Variants in EXOC1 observed in about 807,000 individuals in gnomAD.
EXOC1 encodes SEC3-like 1.
A neutral mutation model predicts 107.7 loss-of-function variants in EXOC1; 67 were observed. The observed-to-expected ratio is 0.62, with a 90% CI of 0.51 to 0.76. The LOEUF (loss-of-function observed/expected upper bound fraction) is 0.76, where lower values mean the gene tolerates loss of function less well. Ranked by LOEUF, EXOC1 falls within the 30% of genes least tolerant of loss-of-function variation. The probability of loss-of-function intolerance (pLI) is 0.00; values close to 1 mark genes in which losing one functional copy is unlikely to be tolerated. For synonymous variants in EXOC1, 348 were observed against 353.5 expected (o/e 0.98, Z 0.17); for missense variants, 833 against 1,055.7 (o/e 0.79, Z 2.92).
chr4:55,888,866 C>T, intron 10 of EXOC1, 22 bp from the exon 11 acceptor site: 1 of 1,613,058 alleles, frequency 6.2e-7, no homozygotes, highest in Non-Finnish European at 8.5e-7. Flanking sequence ...GTCTTTGATG[C>T]TTGCAACCTA....
chr4:55,899,926 T>C (rs760400973), intron 17 of EXOC1, 42 bp downstream of exon 17: 3 of 1,535,894 alleles, frequency 2.0e-6, no homozygotes, highest in Non-Finnish European at 2.7e-6. Flanking sequence ...CTTTTGAACC[T>C]ATACACATAA....
At chr4:55,868,741 G>C (rs1283639232) in intron 5 of EXOC1, 6 of 397,408 alleles carry the variant, frequency 1.5e-5, no homozygotes, top group Admixed American at 1.3e-4. Flanking sequence ...TGAGATTCTG[G>C]ATTTGGGGAG....
chr4:55,877,617 A>G, intron 8 of EXOC1: 1 of 985,404 alleles, frequency 1.0e-6, no homozygotes. Flanking sequence ...TATGAGAGAG[A>G]CAAGCTTCAT....
chr4:55,896,594 A>G, intron 15 of EXOC1, 123 bp from the exon 16 acceptor site: 1 of 723,538 alleles, frequency 1.4e-6, no homozygotes. Context: ...GGTACCACAT[A>G]ATATCCTGCC....
intron 17 of EXOC1, among the ~76,000 whole-genome samples, chr4:55,901,502 G>T (rs1236249497): frequency 6.6e-6 from 1 of 151,896 alleles, no homozygotes; most frequent in Non-Finnish European, 1.5e-5. Context: ...GGGAATAATA[G>T]TTACAATAAT....
chr4:55,873,273 C>T (rs1364472264), intron 8 of EXOC1, among the ~76,000 whole-genome samples: 1 of 151,944 alleles, frequency 6.6e-6, no homozygotes, highest in Non-Finnish European at 1.5e-5. Flanking sequence ...AAAGGAAGAC[C>T]ACCTAACTAA....
At chr4:55,899,343 G>A (rs1322768863) in intron 16 of EXOC1, among the ~76,000 whole-genome samples, 1 of 151,858 alleles carries the variant, frequency 6.6e-6, no homozygotes, top group Non-Finnish European at 1.5e-5. Context: ...TAGCAATTTA[G>A]AATTTGACTG....
chr4:55,877,667 G>C (rs1723025092), intron 8 of EXOC1: 2 of 985,286 alleles, frequency 2.0e-6, no homozygotes, highest in South Asian at 9.4e-5. Context: ...GACGGAATGG[G>C]TAGTTGATTT....
intron 10 of EXOC1, among the ~76,000 whole-genome samples, chr4:55,888,252 A>G (rs765463653): frequency 1.8e-4 from 28 of 152,314 alleles, no homozygotes; most frequent in Middle Eastern, 3.4e-3. Flanking sequence ...TCTGTTCCCT[A>G]AACTTTACCC....
intron 9 of EXOC1, 123 bp downstream of exon 9, chr4:55,878,189 G>C: frequency 9.2e-7 from 1 of 1,084,722 alleles, no homozygotes; most frequent in Non-Finnish European, 1.3e-6. Flanking sequence ...CAGAAAATGA[G>C]TCAGTGCTCT....
At chr4:55,888,618 T>G (rs1394795018) in intron 10 of EXOC1, among the ~76,000 whole-genome samples, 1 of 152,098 alleles carries the variant, frequency 6.6e-6, no homozygotes, top group Non-Finnish European at 1.5e-5. Flanking sequence ...AAAAACATTT[T>G]AAAGTGTAGG....
In EXOC1 at chr4:55,860,636, A is replaced by T. The variant is rs916195563; in HGVS notation, c.255+95A>T. ...TTCTAAAATGATCTAAAAACAAATT[A>T]ATATATATGTTTGTTTTCTTATTTT... is the stretch of plus-strand genomic sequence containing the variant. On this transcript the variant is annotated intron_variant, in intron 3 of 18. Coordinates refer to ENST00000381295, the MANE Select transcript of EXOC1 (RefSeq NM_001024924.2). The T allele has an allele frequency of 1.3e-5, 18 of 1,402,852 alleles. No individual in the cohort carries two copies. The African/African-American group carries it at 2.5e-4, about 19-fold the overall frequency. 86.9% of individuals were successfully genotyped at this position (1,402,852 alleles called of 1,614,324 possible). A position where few individuals can be genotyped will look rare whatever the true frequency, so the allele number is the denominator to read the frequency against.
chr4:55,871,472 C>G (rs956937591), intron 7 of EXOC1, among the ~76,000 whole-genome samples: 1 of 152,124 alleles, frequency 6.6e-6, no homozygotes, highest in Admixed American at 6.6e-5. Flanking sequence ...TTATTTAGTA[C>G]TATCCACAGA....
intron 16 of EXOC1, among the ~76,000 whole-genome samples, chr4:55,898,838 A>G (rs73817297): frequency 0.036 from 5,547 of 152,232 alleles, 343 homozygotes; most frequent in African/African-American, 0.13. Context: ...TCCATTTACC[A>G]AATCTTCTAT....
intron 16 of EXOC1, 74 bp from the exon 17 acceptor site, chr4:55,899,611 A>T: frequency 7.7e-7 from 1 of 1,305,430 alleles, no homozygotes; most frequent in Non-Finnish European, 1.1e-6. Context: ...AAAAAAAATT[A>T]ATAGTATAAA....
At chr4:55,861,100 C>T (rs1182439000) in intron 3 of EXOC1, among the ~76,000 whole-genome samples, 2 of 152,102 alleles carry the variant, frequency 1.3e-5, no homozygotes, top group Non-Finnish European at 2.9e-5. Flanking sequence ...GTGATAATCA[C>T]ATTAAAGGAC....
intron 5 of EXOC1, chr4:55,868,776 TA>T: frequency 3.1e-6 from 1 of 325,344 alleles, no homozygotes; most frequent in Non-Finnish European, 5.6e-6. Flanking sequence ...GTGACTGGAG[TA>T]AAAACTAGGC....
In EXOC1 at chr4:55,902,427, A is replaced by G. The variant is rs746754376; in HGVS notation, c.2421A>G (p.Gln807=). ...GTTACCAACTTGCATTTAACAAACA[A>G]GAACTTCGTAAAGTCATTAAGGAGT... ...EVSYQLAFNK[Q]ELRKVIKEYP... Residue 807 remains glutamine (Q), a synonymous_variant, in exon 18 of 19, where the codon CAA becomes CAG. Coordinates refer to ENST00000381295, the MANE Select transcript of EXOC1 (RefSeq NM_001024924.2). 4.4e-6 allele frequency: 7 copies of G among 1,590,362 alleles called. No homozygotes were observed. In the Admixed American group the frequency reaches 1.3e-4, roughly 29 times the overall value.
chr4:55,856,411 A>G (rs1720974964), intron 1 of EXOC1, among the ~76,000 whole-genome samples: 1 of 152,244 alleles, frequency 6.6e-6, no homozygotes, highest in South Asian at 2.1e-4. Context: ...TCAGAAGACT[A>G]GAGGCTGAGA....
Sources: allele counts gnomAD v4.1 joint callset (sites outside exome capture counted in the v4.1 genomes callset), GRCh38; gene constraint gnomAD v4.1.1; transcripts MANE v1.5; gene names NCBI Gene and HGNC (gene_info 2026-07-23, HGNC 2026-07-21).